The following GRIK2 variants were observed in gnomAD, a reference collection of about 807,000 sequenced individuals.
The protein encoded by GRIK2 is glutamate receptor ionotropic, kainate 2.
GRIK2 carries 32 observed loss-of-function variants against 100.3 expected under a neutral mutation model. The observed-to-expected ratio is 0.32, with a 90% CI of 0.24 to 0.43. GRIK2 has a LOEUF of 0.43. Among genes scored for constraint, GRIK2 ranks in the 20% least tolerant of loss-of-function variants. The pLI is 1.00. For missense variants in GRIK2, 843 were observed against 1,114.9 expected (o/e 0.76, Z 3.47); for synonymous variants, 417 against 389.4 (o/e 1.07, Z -0.83).
intron 2 of GRIK2, among the ~76,000 whole-genome samples, chr6:101,419,518 G>A (rs6911953): frequency 0.71 from 107,974 of 152,134 alleles, 38,490 homozygotes; most frequent in East Asian, 0.92. Context: ...TTAGAGGGAC[G>A]GAGCAATAGT....
chr6:102,067,000 G>A (rs573349132), intron 16 of GRIK2, among the ~76,000 whole-genome samples: 10 of 151,734 alleles, frequency 6.6e-5, no homozygotes, highest in African/African-American at 2.4e-4. Flanking sequence ...GGAATCTTAG[G>A]TGTGAACTGT....
chr6:101,622,150 G>T, intron 3 of GRIK2, 34 bp downstream of exon 3: 8 of 1,317,574 alleles, frequency 6.1e-6, no homozygotes, highest in South Asian at 2.7e-5. Flanking sequence ...TTTGTTTCCT[G>T]GAATTCAAAT....
At chr6:101,676,854 A>G (rs1265357251) in intron 5 of GRIK2, 50 bp downstream of exon 5, 1 of 1,034,864 alleles carries the variant, frequency 9.7e-7, no homozygotes. Flanking sequence ...ACTTGCACTT[A>G]CAATATGATC....
intron 4 of GRIK2, among the ~76,000 whole-genome samples, chr6:101,670,393 A>T (rs1770345594): frequency 6.6e-6 from 1 of 152,130 alleles, no homozygotes; most frequent in Non-Finnish European, 1.5e-5. Context: ...TGGCAAACTG[A>T]AATCTGTTAC....
At chr6:101,909,371 G>GTTTTTTTT (rs370241149) in intron 12 of GRIK2, among the ~76,000 whole-genome samples, 5,638 of 82,382 alleles carry the variant, frequency 0.068, 918 homozygotes, top group African/African-American at 0.087. Flanking sequence ...GGAAGATAGG[G>GTTTTTTTT]TTTTCTTTTT....
chr6:101,550,756 C>T (rs751430699), intron 2 of GRIK2, among the ~76,000 whole-genome samples: 9 of 152,106 alleles, frequency 5.9e-5, no homozygotes, highest in Admixed American at 3.9e-4. Flanking sequence ...CAGACTGTAG[C>T]GCGATGTGTT....
At chr6:101,412,815 C>T (rs989114401) in intron 2 of GRIK2, among the ~76,000 whole-genome samples, 15 of 151,916 alleles carry the variant, frequency 9.9e-5, no homozygotes, top group African/African-American at 3.6e-4. Context: ...TCTAGGATTA[C>T]TATACCTTTG....
chr6:101,664,801 T>C (rs1769890109), intron 4 of GRIK2, among the ~76,000 whole-genome samples: 1 of 152,102 alleles, frequency 6.6e-6, no homozygotes, highest in Non-Finnish European at 1.5e-5. Flanking sequence ...CTCACAATCA[T>C]GGTAGAAGGT....
intron 2 of GRIK2, among the ~76,000 whole-genome samples, chr6:101,543,346 C>G (rs1464258201): frequency 6.6e-6 from 1 of 152,170 alleles, no homozygotes; most frequent in Non-Finnish European, 1.5e-5. Flanking sequence ...TAAACCATAT[C>G]CCAGTTAACA....
intron 2 of GRIK2, among the ~76,000 whole-genome samples, chr6:101,532,622 A>G (rs762676921): frequency 1.3e-5 from 2 of 151,360 alleles, no homozygotes; most frequent in Non-Finnish European, 3.0e-5. Flanking sequence ...TTCGAAGTTT[A>G]ATGAATAAGA....
chr6:102,004,225 A>T (rs1239407050), intron 14 of GRIK2, among the ~76,000 whole-genome samples: 1 of 148,182 alleles, frequency 6.7e-6, no homozygotes, highest in African/African-American at 2.5e-5. Flanking sequence ...ACTCTTGTTC[A>T]GTATGCTGTC....
chr6:102,021,427 CAAAT>C (rs201486907), intron 14 of GRIK2, among the ~76,000 whole-genome samples: 1 of 124,640 alleles, frequency 8.0e-6, no homozygotes, highest in African/African-American at 3.5e-5. Context: ...AAATATATTA[CAAAT>C]AAATCATCTA....
chr6:101,793,609 C>G (rs1468444491), intron 7 of GRIK2, among the ~76,000 whole-genome samples: 3 of 152,148 alleles, frequency 2.0e-5, no homozygotes, highest in Admixed American at 6.5e-5. Flanking sequence ...AGGTGTCAGT[C>G]TGCCCCTACT....
At chr6:101,874,818 T>C (rs151260941) in intron 11 of GRIK2, among the ~76,000 whole-genome samples, 1 of 152,268 alleles carries the variant, frequency 6.6e-6, no homozygotes, top group East Asian at 1.9e-4. Flanking sequence ...TTCACGTTCC[T>C]TGTAAGTTGG....
chr6:101,588,477 G>A (rs1778481717), intron 2 of GRIK2, among the ~76,000 whole-genome samples: 1 of 6,262 alleles, frequency 1.6e-4, no homozygotes, highest in African/African-American at 7.6e-4. Context: ...CCACAGAATT[G>A]TTCTAAGATA....
In GRIK2 at chr6:101,594,709, G is replaced by A. The variant is rs988660488; in HGVS notation, c.116-27240G>A. On this transcript the variant is annotated intron_variant, in intron 2 of 16. Coordinates refer to ENST00000369134, the MANE Select transcript of GRIK2 (RefSeq NM_021956.5). Reference sequence around the variant, plus strand: ...TAAGTAAAATTCAGTGGAGTAGCAAGGCAAAGCCAGGTTGAAGGCATTTAT... The same window carrying A: ...TAAGTAAAATTCAGTGGAGTAGCAAAGCAAAGCCAGGTTGAAGGCATTTAT... Among the ~76,000 whole-genome samples, 11 of 151,716 alleles carry A rather than the reference G, an allele frequency of 7.3e-5. 1 individual carries two copies. The highest frequency in any genetic ancestry group is 4.1e-4 in the South Asian group (2 of 4,830).
intron 14 of GRIK2, among the ~76,000 whole-genome samples, chr6:101,982,035 G>T (rs1211713441): frequency 6.6e-6 from 1 of 151,866 alleles, no homozygotes; most frequent in African/African-American, 2.4e-5. Flanking sequence ...ATTAGTCCCT[G>T]CCAGGCACTA....
At chr6:101,823,399 G>A (rs1782087872) in intron 10 of GRIK2, among the ~76,000 whole-genome samples, 1 of 151,936 alleles carries the variant, frequency 6.6e-6, no homozygotes, top group African/African-American at 2.4e-5. Context: ...TAAAATTGGA[G>A]ATTTATGGAT....
chr6:101,897,882 T>G (rs1341334478), intron 12 of GRIK2, among the ~76,000 whole-genome samples: 1 of 151,878 alleles, frequency 6.6e-6, no homozygotes, highest in African/African-American at 2.4e-5. Flanking sequence ...TTAGTTACAA[T>G]TTTACTTGGA....
Sources: gnomAD v4.1 joint callset for allele counts (sites outside exome capture counted in the v4.1 genomes callset) on GRCh38, gnomAD v4.1.1 for gene constraint, MANE v1.5 for transcripts, NCBI Gene and HGNC (gene_info 2026-07-23, HGNC 2026-07-21) for gene names.